The following TASP1 variants were observed in gnomAD, a reference collection of about 807,000 sequenced individuals.
TASP1 encodes taspase 1.
In TASP1, 16 loss-of-function variants were observed where a neutral mutation model predicts 56.6. That is an observed-to-expected ratio of 0.28 (90% CI 0.19 to 0.43). The LOEUF is 0.43. Among genes scored for constraint, TASP1 ranks in the 20% least tolerant of loss-of-function variants. TASP1 has a pLI of 1.00. For synonymous variants in TASP1, 179 were observed against 184.2 expected, an observed-to-expected ratio of 0.97 and a Z score of 0.23; for missense variants, 393 against 511.6, an observed-to-expected ratio of 0.77 and a Z score of 2.24.
the TASP1 span, among the ~76,000 whole-genome samples, chr20:13,217,902 T>A: frequency 6.6e-6 from 1 of 152,234 alleles, no homozygotes; most frequent in Admixed American, 6.5e-5. Context: ...TTTTCTCTTT[T>A]GAGCAGTAAC....
intron 10 of TASP1, among the ~76,000 whole-genome samples, chr20:13,500,208 G>C (rs554564118): frequency 3.3e-4 from 49 of 148,826 alleles, no homozygotes; most frequent in African/African-American, 1.2e-3. Context: ...ATTTATATAT[G>C]TTTATATGTA....
At chr20:13,183,651 A>C in the TASP1 span, among the ~76,000 whole-genome samples, 1 of 152,212 alleles carries the variant, frequency 6.6e-6, no homozygotes, top group Admixed American at 6.5e-5. Flanking sequence ...TTATAAACTT[A>C]ATAAAAACAA....
At chr20:13,249,416 C>G in the TASP1 span, among the ~76,000 whole-genome samples, 2 of 152,216 alleles carry the variant, frequency 1.3e-5, no homozygotes, top group African/African-American at 4.8e-5. Context: ...CTTCCGTGCC[C>G]CAGGTGGACA....
chr20:13,322,789 G>GC, the TASP1 span, among the ~76,000 whole-genome samples: 4 of 152,104 alleles, frequency 2.6e-5, no homozygotes, highest in African/African-American at 9.7e-5. Flanking sequence ...CGAGATCAAA[G>GC]CAAGGGGCTT....
the TASP1 span, chr20:13,245,367 A>C: frequency 2.6e-5 from 4 of 152,218 alleles, no homozygotes; most frequent in African/African-American, 7.2e-5. Context: ...CAGGTAAGTG[A>C]ATAAAGCCAG....
chr20:13,190,617 A>T, the TASP1 span, among the ~76,000 whole-genome samples: 1 of 152,184 alleles, frequency 6.6e-6, no homozygotes, highest in Non-Finnish European at 1.5e-5. Flanking sequence ...AAGACCTGAA[A>T]ATGATAAAAC....
intron 8 of TASP1, among the ~76,000 whole-genome samples, chr20:13,548,810 T>G (rs1462210256): frequency 6.6e-6 from 1 of 152,154 alleles, no homozygotes; most frequent in Non-Finnish European, 1.5e-5. Flanking sequence ...TGTGACATAT[T>G]AGGAAGAACA....
intron 11 of TASP1, among the ~76,000 whole-genome samples, chr20:13,447,941 T>A (rs137998223): frequency 6.6e-6 from 1 of 152,138 alleles, no homozygotes; most frequent in African/African-American, 2.4e-5. Context: ...ATTTTGTCTA[T>A]GATCTTTTTT....
At chr20:13,570,152 A>C (rs2046663053) in intron 6 of TASP1, among the ~76,000 whole-genome samples, 1 of 152,124 alleles carries the variant, frequency 6.6e-6, no homozygotes, top group Non-Finnish European at 1.5e-5. Flanking sequence ...GTAACTTTTA[A>C]GTCCTAAATA....
the TASP1 span, among the ~76,000 whole-genome samples, chr20:13,362,550 A>C: frequency 6.8e-6 from 1 of 147,620 alleles, no homozygotes; most frequent in Admixed American, 6.8e-5. Flanking sequence ...TACCTACCCA[A>C]ATCCTATAAA....
the TASP1 span, among the ~76,000 whole-genome samples, chr20:13,127,520 A>G: frequency 2.6e-5 from 4 of 152,336 alleles, no homozygotes; most frequent in African/African-American, 7.2e-5. Flanking sequence ...CAAGCCTGCT[A>G]TTTCAGTAGA....
the TASP1 span, among the ~76,000 whole-genome samples, chr20:13,331,774 A>G: frequency 6.8e-6 from 1 of 147,942 alleles, no homozygotes; most frequent in African/African-American, 2.5e-5. Context: ...GTATTTTTTT[A>G]ACTTTACTCC....
chr20:13,508,995 G>A (rs542198775), intron 10 of TASP1, among the ~76,000 whole-genome samples: 2 of 152,188 alleles, frequency 1.3e-5, no homozygotes, highest in East Asian at 3.9e-4. Context: ...CGTTGTATAT[G>A]CAAAGGAAAT....
At chr20:13,249,716 A>G in the TASP1 span, among the ~76,000 whole-genome samples, 62 of 152,332 alleles carry the variant, frequency 4.1e-4, no homozygotes, top group African/African-American at 1.4e-3. Context: ...GGAACACACA[A>G]TGGGAAGCCA....
At chr20:13,455,025 C>T (rs907298352) in intron 11 of TASP1, among the ~76,000 whole-genome samples, 2 of 151,944 alleles carry the variant, frequency 1.3e-5, no homozygotes, top group Non-Finnish European at 2.9e-5. Flanking sequence ...TGTCTAGGAG[C>T]CTTGGGCTGT....
intron 4 of TASP1, among the ~76,000 whole-genome samples, chr20:13,587,627 T>C (rs1204104846): frequency 6.6e-6 from 1 of 151,830 alleles, no homozygotes; most frequent in Admixed American, 6.6e-5. Context: ...TAAAAAGGAC[T>C]GTATATCACA....
chr20:13,611,952 T>C (rs77849269), intron 4 of TASP1, among the ~76,000 whole-genome samples: 259 of 152,352 alleles, frequency 1.7e-3, no homozygotes, highest in Non-Finnish European at 2.8e-3. Flanking sequence ...TTGCAATCTC[T>C]GGCCTACATC....
intron 12 of TASP1, among the ~76,000 whole-genome samples, chr20:13,423,203 A>G (rs968540410): frequency 2.0e-5 from 3 of 152,190 alleles, no homozygotes; most frequent in Non-Finnish European, 4.4e-5. Context: ...GAAGCTCTAC[A>G]TGGATATGGA....
chr20:13,524,319 T>C (rs954142875), intron 10 of TASP1, among the ~76,000 whole-genome samples: 54 of 152,178 alleles, frequency 3.5e-4, no homozygotes, highest in Non-Finnish European at 6.6e-4. Flanking sequence ...ATCCCAGATA[T>C]TTCTAACATT....
Sources: allele counts gnomAD v4.1 joint callset (sites outside exome capture counted in the v4.1 genomes callset), GRCh38; gene constraint gnomAD v4.1.1; transcripts MANE v1.5; gene names NCBI Gene and HGNC (gene_info 2026-07-23, HGNC 2026-07-21).